CLUL1: variants seen among roughly 807,000 people sequenced by gnomAD.
The protein encoded by CLUL1 is clusterin-like protein 1.
CLUL1 carries 43 observed loss-of-function variants against 49.4 expected under a neutral mutation model. The observed-to-expected ratio is 0.87, with a 90% CI of 0.68 to 1.12. CLUL1 has a LOEUF of 1.12. Ranked by LOEUF, CLUL1 falls within the 50% of genes most tolerant of loss-of-function variation. The pLI, the probability that CLUL1 is intolerant of heterozygous loss-of-function variation, is 0.00. For synonymous variants in CLUL1, 192 were observed against 184.9 expected (o/e 1.04, Z -0.31); for missense variants, 486 against 544.4 (o/e 0.89, Z 1.07).
rs73943319 is a variant in CLUL1 at position 624,970 on chromosome 18, G to C, written c.361G>C (p.Glu121Gln). 4.1e-4 allele frequency: 662 copies of C among 1,614,124 alleles called. 5 individuals are homozygous for C. The African/African-American group carries it at 7.9e-3, about 19-fold the overall frequency. ...DSWGECRSCLENNCMRIYTTC... is the reference protein window; with the variant it reads ...DSWGECRSCLQNNCMRIYTTC... ...CTGGGGTGAATGCAGGTCTTGCCTGGAAAATAACTGCATGAGAATTTATAC... is the reference window on the plus strand; with the variant it reads ...CTGGGGTGAATGCAGGTCTTGCCTGCAAAATAACTGCATGAGAATTTATAC... The change falls in exon 5 of 10, where the codon GAA becomes CAA. Residue 121 changes from glutamate (E) to glutamine (Q), a missense_variant. Physicochemically the swap from Glu to Gln is conservative, Grantham distance 29. Transcript: ENST00000692774.
chr18:643,266 G>A (rs1052473253), intron 8 of CLUL1, among the ~76,000 whole-genome samples: 3 of 152,098 alleles, frequency 2.0e-5, no homozygotes, highest in South Asian at 2.1e-4. Flanking sequence ...GTAGACATAC[G>A]TGTGTGTTTT....
intron 7 of CLUL1, among the ~76,000 whole-genome samples, chr18:639,814 G>A (rs1042351661): frequency 6.6e-6 from 1 of 151,872 alleles, no homozygotes; most frequent in African/African-American, 2.4e-5. Context: ...AAAGAAATGG[G>A]CACATGTCAA....
At chr18:624,052 G>A (rs549901302) in intron 4 of CLUL1, among the ~76,000 whole-genome samples, 4 of 152,210 alleles carry the variant, frequency 2.6e-5, no homozygotes, top group East Asian at 1.9e-4. Flanking sequence ...TTTGGGCAGG[G>A]GCACAGGAAG....
At chr18:599,753 A>G (rs2072767103) in intron 1 of CLUL1, among the ~76,000 whole-genome samples, 1 of 152,074 alleles carries the variant, frequency 6.6e-6, no homozygotes, top group African/African-American at 2.4e-5. Flanking sequence ...TAACGCGGTG[A>G]AACCCCATCT....
intron 4 of CLUL1, among the ~76,000 whole-genome samples, chr18:621,607 A>G (rs982405363): frequency 6.6e-6 from 1 of 152,248 alleles, no homozygotes; most frequent in Non-Finnish European, 1.5e-5. Flanking sequence ...GAATAGAGAC[A>G]CTAGATAGCA....
chr18:648,759 C>T (rs1315200557), intron 9 of CLUL1, among the ~76,000 whole-genome samples: 53 of 152,260 alleles, frequency 3.5e-4, no homozygotes, highest in Non-Finnish European at 4.1e-4. Flanking sequence ...CAGGTTCAAG[C>T]GACTCTCATG....
intron 5 of CLUL1, among the ~76,000 whole-genome samples, chr18:625,557 ACAC>A (rs1555633102): frequency 8.3e-6 from 1 of 121,180 alleles, no homozygotes; most frequent in East Asian, 2.7e-4. Context: ...ACACACACAC[ACAC>A]CCCTTCATGT....
intron 4 of CLUL1, among the ~76,000 whole-genome samples, chr18:621,171 C>T (rs1191150215): frequency 6.6e-6 from 1 of 152,118 alleles, no homozygotes; most frequent in Non-Finnish European, 1.5e-5. Flanking sequence ...GCCCCATTCC[C>T]CCCACCCCAG....
chr18:638,278 A>G (rs2144152585), intron 7 of CLUL1, among the ~76,000 whole-genome samples: 1 of 152,358 alleles, frequency 6.6e-6, no homozygotes, highest in Non-Finnish European at 1.5e-5. Flanking sequence ...CTGCTCAAGC[A>G]TCCCATCTAT....
intron 8 of CLUL1, 149 bp from the exon 9 acceptor site, chr18:644,761 A>G: frequency 1.9e-6 from 1 of 533,094 alleles, no homozygotes; most frequent in Non-Finnish European, 3.2e-6. Context: ...AACAAGAAAT[A>G]AATCTTTGTT....
intron 1 of CLUL1, among the ~76,000 whole-genome samples, chr18:598,893 T>C (rs1156990866): frequency 6.6e-6 from 1 of 152,236 alleles, no homozygotes; most frequent in Non-Finnish European, 1.5e-5. Flanking sequence ...CATGTGCCTA[T>C]GTTGTTCTGA....
intron 1 of CLUL1, among the ~76,000 whole-genome samples, chr18:605,154 G>T (rs991513919): frequency 6.6e-6 from 1 of 152,140 alleles, no homozygotes; most frequent in African/African-American, 2.4e-5. Context: ...TGTTTGTTTT[G>T]ATTTGACATT....
At chr18:630,716 C>G (rs1227185341) in intron 6 of CLUL1, among the ~76,000 whole-genome samples, 1 of 104,372 alleles carries the variant, frequency 9.6e-6, no homozygotes, top group Non-Finnish European at 1.7e-5. Context: ...GAGACAGAGT[C>G]TCGCTCTGTC....
intron 9 of CLUL1, among the ~76,000 whole-genome samples, chr18:648,733 G>A (rs749188159): frequency 1.1e-4 from 16 of 152,054 alleles, no homozygotes; most frequent in East Asian, 1.9e-4. Flanking sequence ...CTCGGCTCAC[G>A]GCAACCTCCA....
At chr18:608,916 T>G (rs2073056458) in intron 2 of CLUL1, among the ~76,000 whole-genome samples, 1 of 152,214 alleles carries the variant, frequency 6.6e-6, no homozygotes, top group East Asian at 1.9e-4. Context: ...AATCTAAATC[T>G]ATTTTCTTTA....
intron 2 of CLUL1, 40 bp from the exon 3 acceptor site, chr18:617,948 A>G: frequency 6.4e-7 from 1 of 1,555,254 alleles, no homozygotes; most frequent in Non-Finnish European, 8.8e-7. Flanking sequence ...AAACTAACCA[A>G]ATGGAAGACA....
In CLUL1 at chr18:641,469, A is replaced by G; in HGVS notation, c.1137A>G (p.Arg379=). ...EDTAYLVEKM[R]GQFGWVSELA... ...CCGCCTATCTGGTGGAGAAGATGAGAGGGCAATTTGGCTGGGTGTCTGAAC... is the reference window on the plus strand; with the variant it reads ...CCGCCTATCTGGTGGAGAAGATGAGGGGGCAATTTGGCTGGGTGTCTGAAC... Residue 379 remains arginine, a synonymous_variant, in exon 8 of 10, where the codon AGA becomes AGG. Transcript: ENST00000692774. 6 of 1,614,202 alleles carry G rather than the reference A, an allele frequency of 3.7e-6. No homozygotes were observed. The highest frequency in any genetic ancestry group is 5.1e-6 in the Non-Finnish European group (6 of 1,180,038).
chr18:640,221 G>A (rs2074301378), intron 7 of CLUL1, among the ~76,000 whole-genome samples: 1 of 151,736 alleles, frequency 6.6e-6, no homozygotes, highest in African/African-American at 2.4e-5. Context: ...CGCAAGCCTG[G>A]GCAGCATAGT....
At chr18:635,762 C>T (rs546136554) in intron 7 of CLUL1, among the ~76,000 whole-genome samples, 1 of 152,182 alleles carries the variant, frequency 6.6e-6, no homozygotes, top group South Asian at 2.1e-4. Flanking sequence ...GGAATTGTTA[C>T]AACCGTTTCT....
Sources: gnomAD v4.1 joint callset for allele counts (sites outside exome capture counted in the v4.1 genomes callset) on GRCh38, gnomAD v4.1.1 for gene constraint, MANE v1.5 for transcripts, NCBI Gene and HGNC (gene_info 2026-07-23, HGNC 2026-07-21) for gene names.